The following KCNK13 variants were observed in gnomAD, a reference collection of about 807,000 sequenced individuals.
KCNK13 encodes potassium channel subfamily K member 13.
In KCNK13, 12 loss-of-function variants were observed where a neutral mutation model predicts 23.4. The ratio of observed to expected loss-of-function variants is 0.51; its 90% CI spans 0.33 to 0.83. The LOEUF (loss-of-function observed/expected upper bound fraction) is 0.83, where lower values mean the gene tolerates loss of function less well. Among genes scored for constraint, KCNK13 ranks in the 40% least tolerant of loss-of-function variants. The probability of loss-of-function intolerance (pLI) is 0.02; values close to 1 mark genes in which losing one functional copy is unlikely to be tolerated. For missense variants in KCNK13, 463 were observed against 556.3 expected (o/e 0.83, Z 1.69); for synonymous variants, 231 against 229.5 (o/e 1.01, Z -0.06).
At chr14:90,087,154 A>ATATTTTT (rs1282261147) in intron 1 of KCNK13, among the ~76,000 whole-genome samples, 1 of 107,650 alleles carries the variant, frequency 9.3e-6, no homozygotes. Context: ...ATATATATAT[A>ATATTTTT]TTTTTTTTTT....
chr14:90,081,846 T>C (rs1231384767), intron 1 of KCNK13, among the ~76,000 whole-genome samples: 1 of 152,200 alleles, frequency 6.6e-6, no homozygotes, highest in African/African-American at 2.4e-5. Context: ...TTAAGATCCA[T>C]TAATGTCTTT....
At chr14:90,165,461 C>A (rs1351416705) in intron 1 of KCNK13, among the ~76,000 whole-genome samples, 3 of 152,148 alleles carry the variant, frequency 2.0e-5, no homozygotes, top group Admixed American at 6.5e-5. Flanking sequence ...AGAGGTCCAT[C>A]AAAATAAAGA....
intron 1 of KCNK13, among the ~76,000 whole-genome samples, chr14:90,117,751 C>T (rs1385157216): frequency 1.3e-5 from 2 of 152,170 alleles, no homozygotes; most frequent in East Asian, 1.9e-4. Context: ...CAGTGTTGTG[C>T]ACCCATTACC....
chr14:90,110,549 G>T lies in KCNK13; in HGVS notation c.334+48010G>T, dbSNP rs147398720. ...TGGGACCCAGGATTTTGCATTCCAG[G>T]TGATGCCACTACTGCTAGTCTGGAG... On this transcript the variant is annotated intron_variant, in intron 1 of 1. Coordinates refer to ENST00000282146, the MANE Select transcript of KCNK13 (RefSeq NM_022054.4). 2.8e-3 allele frequency among the ~76,000 whole-genome samples: 419 copies of T among 152,078 alleles called. 1 individual carries two copies. Among genetic ancestry groups the T allele is most frequent in the African/African-American group, 9.0e-3 (374 of 41,512 alleles).
At chr14:90,176,418 C>A (rs1566652746) in intron 1 of KCNK13, among the ~76,000 whole-genome samples, 1 of 152,258 alleles carries the variant, frequency 6.6e-6, no homozygotes, top group South Asian at 2.1e-4. Context: ...ACCCACTTCC[C>A]ATCCCCCACC....
At chr14:90,146,221 C>T (rs1479817160) in intron 1 of KCNK13, among the ~76,000 whole-genome samples, 2 of 152,094 alleles carry the variant, frequency 1.3e-5, no homozygotes, top group Non-Finnish European at 2.9e-5. Context: ...AGAAGATCTT[C>T]TTAGAATTGA....
At chr14:90,127,130 T>A (rs1487808078) in intron 1 of KCNK13, among the ~76,000 whole-genome samples, 6 of 152,158 alleles carry the variant, frequency 3.9e-5, no homozygotes, top group African/African-American at 1.2e-4. Flanking sequence ...ACCATATTCA[T>A]GGAAGATGTT....
intron 1 of KCNK13, among the ~76,000 whole-genome samples, chr14:90,063,967 C>G (rs1888977205): frequency 3.3e-5 from 5 of 152,156 alleles, no homozygotes; most frequent in Admixed American, 3.3e-4. Context: ...GATGGCACCA[C>G]CATAACTGGG....
intron 1 of KCNK13, among the ~76,000 whole-genome samples, chr14:90,128,858 C>T (rs1443038028): frequency 6.6e-6 from 1 of 152,126 alleles, no homozygotes; most frequent in Admixed American, 6.5e-5. Flanking sequence ...AAATGTAAGG[C>T]ATGCATCCTG....
intron 1 of KCNK13, among the ~76,000 whole-genome samples, chr14:90,087,152 A>ATTTT (rs1241730961): frequency 6.4e-5 from 6 of 93,576 alleles, no homozygotes; most frequent in Non-Finnish European, 8.5e-5. Flanking sequence ...ATATATATAT[A>ATTTT]TATTTTTTTT....
chr14:90,165,241 A>C (rs898399379), intron 1 of KCNK13, among the ~76,000 whole-genome samples: 1 of 152,170 alleles, frequency 6.6e-6, no homozygotes, highest in Non-Finnish European at 1.5e-5. Context: ...GGGCGGGGAC[A>C]CGGCCAAACC....
At chr14:90,107,824 C>A in intron 1 of KCNK13, 1 of 863,794 alleles carries the variant, frequency 1.2e-6, no homozygotes, top group Non-Finnish European at 2.0e-6. Context: ...AGATCACAAC[C>A]ACCAACCACA....
chr14:90,121,344 C>T (rs1012858332), intron 1 of KCNK13, among the ~76,000 whole-genome samples: 1 of 152,178 alleles, frequency 6.6e-6, no homozygotes, highest in African/African-American at 2.4e-5. Context: ...CTGTCCTTTG[C>T]CTCCCTGTAA....
rs186923345 is a variant in KCNK13 at position 90,142,958 on chromosome 14, A to T, written c.335-41153A>T. Among the ~76,000 whole-genome samples the T allele has an allele frequency of 2.9e-4, 44 of 152,226 alleles. No individual in the cohort carries two copies. In the East Asian group the frequency reaches 7.2e-3, roughly 25 times the overall value. ...TTGTGGGAAGGTAAATGTATGGGGGAACTAGTGGAAGATAAGGGCTAAAGG... is the reference window on the plus strand; with the variant it reads ...TTGTGGGAAGGTAAATGTATGGGGGTACTAGTGGAAGATAAGGGCTAAAGG... On this transcript the variant is annotated intron_variant, in intron 1 of 1. Coordinates refer to ENST00000282146, the MANE Select transcript of KCNK13 (RefSeq NM_022054.4).
chr14:90,081,397 C>A (rs1235268398), intron 1 of KCNK13, among the ~76,000 whole-genome samples: 2 of 152,166 alleles, frequency 1.3e-5, no homozygotes, highest in African/African-American at 4.8e-5. Flanking sequence ...TCCTACTCTC[C>A]GGAAATAACC....
chr14:90,159,818 T>G (rs1463400753), intron 1 of KCNK13, among the ~76,000 whole-genome samples: 1 of 152,216 alleles, frequency 6.6e-6, no homozygotes, highest in Non-Finnish European at 1.5e-5. Flanking sequence ...CCCACATTGC[T>G]GGGGTTTAAA....
intron 1 of KCNK13, among the ~76,000 whole-genome samples, chr14:90,063,429 C>T (rs188106492): frequency 8.6e-5 from 13 of 152,024 alleles, no homozygotes; most frequent in Non-Finnish European, 1.3e-4. Flanking sequence ...CTGCGCCACA[C>T]CCCTAAAGAT....
intron 1 of KCNK13, among the ~76,000 whole-genome samples, chr14:90,157,813 G>A (rs1890211751): frequency 6.8e-6 from 1 of 146,628 alleles, no homozygotes; most frequent in Non-Finnish European, 1.5e-5. Context: ...CAATTCTCCT[G>A]CCTCAGCCTC....
intron 1 of KCNK13, chr14:90,107,650 C>T: frequency 1.5e-6 from 1 of 657,720 alleles, no homozygotes; most frequent in Non-Finnish European, 2.8e-6. Flanking sequence ...GAGGATTCTT[C>T]CCAGGGGGAC....
Sources: gnomAD v4.1 joint callset for allele counts (sites outside exome capture counted in the v4.1 genomes callset) on GRCh38, gnomAD v4.1.1 for gene constraint, MANE v1.5 for transcripts, NCBI Gene and HGNC (gene_info 2026-07-23, HGNC 2026-07-21) for gene names.